NCKAP1L: variants seen among roughly 807,000 people sequenced by gnomAD.
NCKAP1L encodes nck-associated protein 1-like.
A neutral mutation model predicts 139.2 loss-of-function variants in NCKAP1L; 53 were observed. The ratio of observed to expected loss-of-function variants is 0.38; its 90% CI spans 0.31 to 0.48. The LOEUF (loss-of-function observed/expected upper bound fraction) is 0.48, where lower values mean the gene tolerates loss of function less well. NCKAP1L is among the 20% of genes least tolerant of loss of function. NCKAP1L has a pLI of 0.98. For synonymous variants in NCKAP1L, 468 were observed against 499.7 expected, an observed-to-expected ratio of 0.94 and a Z score of 0.85; for missense variants, 1,151 against 1,381.9, an observed-to-expected ratio of 0.83 and a Z score of 2.65.
Position 54,519,212 on chromosome 12 carries a change from C to G in NCKAP1L, c.1505C>G (p.Pro502Arg), listed in dbSNP as rs1021606081. 3.2e-6 allele frequency: 5 copies of G among 1,574,470 alleles called. No individual in the cohort carries two copies. The highest frequency in any genetic ancestry group is 4.3e-6 in the Non-Finnish European group (5 of 1,167,486). ...LQAYTSVAKA[P>R]LHLHENPDLA... Reference sequence around the variant, plus strand: ...GCATACACTAGCGTGGCTAAGGCCCCTCTGCACCTGCATGAGAACCCTGAC... The same window carrying G: ...GCATACACTAGCGTGGCTAAGGCCCGTCTGCACCTGCATGAGAACCCTGAC... The change falls in exon 16 of 31, where the codon CCT becomes CGT. Residue 502 changes from proline to arginine, a missense_variant. Physicochemically the swap from Pro to Arg is moderately radical, Grantham distance 103. Transcript: ENST00000293373.
Position 54,521,140 on chromosome 12 carries a change from G to A in NCKAP1L, c.1780G>A (p.Gly594Ser). The change falls in exon 18 of 31, where the codon GGT becomes AGT. Residue 594 changes from glycine (G) to serine (S), a missense_variant. Gly to Ser is a moderately conservative substitution (Grantham distance 56). Coordinates refer to ENST00000293373, the MANE Select transcript of NCKAP1L (RefSeq NM_005337.5). ...PEEYPHLKNH[G>S]LHHCNSFLEE... ...ATAGTACCCCCACCTCAAGAACCAT[G>A]GTCTTCACCACTGCAACTCCTTCCT... 1 of 1,613,966 alleles carries A rather than the reference G, an allele frequency of 6.2e-7. No individual in the cohort carries two copies. The highest frequency in any genetic ancestry group is 8.5e-7 in the Non-Finnish European group (1 of 1,179,990).
Position 54,501,045 on chromosome 12 carries a change from A to G in NCKAP1L, c.306+420A>G, listed in dbSNP as rs528886186. On this transcript the variant is annotated intron_variant, in intron 3 of 30. Coordinates refer to ENST00000293373, the MANE Select transcript of NCKAP1L (RefSeq NM_005337.5). ...TATACAGTTCAGTGGTACTAAGTATATTAATAATGCAACCATCTTTTCACC... is the reference window on the plus strand; with the variant it reads ...TATACAGTTCAGTGGTACTAAGTATGTTAATAATGCAACCATCTTTTCACC... 4 of 153,606 alleles carry G rather than the reference A, an allele frequency of 2.6e-5. No individual in the cohort carries two copies. In the East Asian group the frequency reaches 7.6e-4, roughly 29 times the overall value. The allele number at this position is 153,606 out of a possible 1,614,324, so 9.5% of individuals were successfully genotyped here.
chr12:54,529,571 C>A (rs142203013), intron 22 of NCKAP1L, among the ~76,000 whole-genome samples: 1 of 152,280 alleles, frequency 6.6e-6, no homozygotes, highest in Non-Finnish European at 1.5e-5. Flanking sequence ...TCCAGTTCTG[C>A]CTCCTTCCCA....
intron 2 of NCKAP1L, among the ~76,000 whole-genome samples, chr12:54,500,123 T>C (rs912462653): frequency 4.2e-5 from 1 of 23,682 alleles, no homozygotes; most frequent in African/African-American, 3.4e-4. Context: ...TTTCTTTTCT[T>C]TTCTTTTTTT....
chr12:54,507,886 G>A lies in NCKAP1L; in HGVS notation c.340G>A (p.Ala114Thr). Residue 114 changes from alanine (A) to threonine (T), a missense_variant, in exon 4 of 31, where the codon GCC (alanine) becomes ACC (threonine). By Grantham distance (58) the Ala-to-Thr change is moderately conservative. Coordinates refer to ENST00000293373, the MANE Select transcript of NCKAP1L (RefSeq NM_005337.5). ...HVYELLNTID[A>T]CQCHFDINLN... is the part of the protein sequence containing the mutation. ...ATATGAACTTCTCAACACCATTGATGCCTGCCAGTGCCATTTTGATATCGT... is the reference window on the plus strand; with the variant it reads ...ATATGAACTTCTCAACACCATTGATACCTGCCAGTGCCATTTTGATATCGT... The A allele has an allele frequency of 2.5e-6, 4 of 1,614,010 alleles. No homozygotes were observed. Among genetic ancestry groups the A allele is most frequent in the Non-Finnish European group, 3.4e-6 (4 of 1,179,958 alleles).
Position 54,507,923 on chromosome 12 carries a change from C to T in NCKAP1L, c.363+14C>T, listed in dbSNP as rs751530199. 3 of 1,612,450 alleles carry T rather than the reference C, an allele frequency of 1.9e-6. No individual in the cohort carries two copies. The highest frequency in any genetic ancestry group is 1.1e-5 in the South Asian group (1 of 91,038). ...CATTTTGATATCGTAAGAACCTTTG[C>T]AATTCTCTTCTATCGTAGAGTCAAA... is the stretch of plus-strand genomic sequence containing the variant. On this transcript the variant is annotated intron_variant, in intron 4 of 30. Transcript: ENST00000293373.
chr12:54,541,323 C>A (rs1957156644), intron 30 of NCKAP1L, among the ~76,000 whole-genome samples: 1 of 152,224 alleles, frequency 6.6e-6, no homozygotes, highest in Non-Finnish European at 1.5e-5. Flanking sequence ...AGGGCTGTTT[C>A]CACTCCCGTA....
At chr12:54,506,796 A>AAAAAAAAAAAATAT in intron 3 of NCKAP1L, among the ~76,000 whole-genome samples, 5 of 50,608 alleles carry the variant, frequency 9.9e-5, no homozygotes, top group African/African-American at 3.3e-4. Flanking sequence ...AAAAAAAAAA[A>AAAAAAAAAAAATAT]ATATATATAT....
intron 26 of NCKAP1L, among the ~76,000 whole-genome samples, chr12:54,533,936 A>G (rs1489701137): frequency 6.6e-6 from 1 of 152,208 alleles, no homozygotes; most frequent in Non-Finnish European, 1.5e-5. Flanking sequence ...TTGTTCTTTC[A>G]AAAAACATTT....
chr12:54,541,677 G>A (rs757692798), intron 30 of NCKAP1L, among the ~76,000 whole-genome samples: 3 of 152,192 alleles, frequency 2.0e-5, no homozygotes, highest in East Asian at 1.9e-4. Flanking sequence ...AGAGAAACAC[G>A]TTAGAGTAGA....
At position 54,545,693 on chromosome 12, in the gene NCKAP1L, C is replaced by T. The variant is rs1162864349; in HGVS notation, c.*3008C>T. The T allele has an allele frequency of 1.3e-5, 2 of 152,190 alleles. No individual in the cohort carries two copies. The highest frequency in any genetic ancestry group is 3.8e-4 in the East Asian group (2 of 5,204). The allele number at this position is 152,190 out of a possible 1,614,324, so 9.4% of individuals were successfully genotyped here. ...CCCAAAGGAACTAAAGAATGGATAT[C>T]AGAAATCTCACCCCAATTGTTTTGT... is the stretch of plus-strand genomic sequence containing the variant. On this transcript the variant is annotated 3_prime_UTR_variant, in exon 31 of 31. Coordinates refer to ENST00000293373, the MANE Select transcript of NCKAP1L (RefSeq NM_005337.5).
At chr12:54,501,344 G>A (rs1956796325) in intron 3 of NCKAP1L, among the ~76,000 whole-genome samples, 1 of 151,992 alleles carries the variant, frequency 6.6e-6, no homozygotes, top group Non-Finnish European at 1.5e-5. Context: ...TTGCTTATCC[G>A]ATCGTATGTT....
chr12:54,527,678 T>C (rs1957037268), intron 21 of NCKAP1L, among the ~76,000 whole-genome samples: 1 of 152,224 alleles, frequency 6.6e-6, no homozygotes, highest in Admixed American at 6.5e-5. Flanking sequence ...CACTGACAGT[T>C]AGCTTGTGAT....
rs991985224 is a variant in NCKAP1L at position 54,509,714 on chromosome 12, C to A, written c.552C>A (p.Asp184Glu). Residue 184 changes from aspartate to glutamate, a missense_variant, in exon 6 of 31, where the codon GAC becomes GAA. Asp to Glu is a conservative substitution (Grantham distance 45). Transcript: ENST00000293373. ...ARLGQMVLEY[D>E]HPLKKLTEEF... ...TGGGTCAGATGGTCTTGGAGTATGA[C>A]CACCCTCTGAAGAAGCTGACAGAAG... The A allele has an allele frequency of 4.3e-6, 7 of 1,614,166 alleles. No homozygotes were observed. In the Admixed American group the frequency reaches 5.0e-5, roughly 12 times the overall value.
chr12:54,506,844 ACTTTTT>A (rs1956845300), intron 3 of NCKAP1L, among the ~76,000 whole-genome samples: 1 of 118,666 alleles, frequency 8.4e-6, no homozygotes, highest in African/African-American at 3.3e-5. Context: ...TATCAATTTT[ACTTTTT>A]TAGAAATGAA....
chr12:54,500,913 C>T (rs2120868526), intron 3 of NCKAP1L: 1 of 224,300 alleles, frequency 4.5e-6, no homozygotes, highest in Middle Eastern at 1.6e-3. Flanking sequence ...CCTTTGGGGA[C>T]TGATTATGAC....
chr12:54,531,517 A>G lies in NCKAP1L; in HGVS notation c.2631A>G (p.Ile877Met), dbSNP rs775214879. 17 of 1,614,094 alleles carry G rather than the reference A, an allele frequency of 1.1e-5. No homozygotes were observed. Among genetic ancestry groups the G allele is most frequent in the Non-Finnish European group, 1.4e-5 (17 of 1,180,032 alleles). ...LKKLVVENMD[I>M]LVQIRSNFSK... is the part of the protein sequence containing the mutation. ...AGCTGGTGGTGGAAAACATGGACATACTTGTTCAGATCAGATCCAACTTTA... is the reference window on the plus strand; with the variant it reads ...AGCTGGTGGTGGAAAACATGGACATGCTTGTTCAGATCAGATCCAACTTTA... Residue 877 changes from isoleucine (I) to methionine (M), a missense_variant, in exon 24 of 31, where the codon ATA becomes ATG. Transcript: ENST00000293373.
rs78439184 is a variant in NCKAP1L, at chr12:54,511,911, T to A, written c.785-38T>A. 1.0e-4 allele frequency: 167 copies of A among 1,614,130 alleles called. No homozygotes were observed. In the East Asian group the frequency reaches 3.3e-3, roughly 32 times the overall value. On this transcript the variant is annotated intron_variant, in intron 8 of 30. Transcript: ENST00000293373. ...GCAGTATGTTATATGAAGAACAAGTTCTAAAAGTCTTCCTCTGCACTGTTT... is the reference window on the plus strand; with the variant it reads ...GCAGTATGTTATATGAAGAACAAGTACTAAAAGTCTTCCTCTGCACTGTTT...
At position 54,528,392 on chromosome 12, in the gene NCKAP1L, T is replaced by C. The variant is rs746666635; in HGVS notation, c.2506+15T>C. On this transcript the variant is annotated intron_variant, in intron 22 of 30. Transcript: ENST00000293373. ...TGACATCTCTGGTGAGCTCAGGGCC[T>C]GGTCTTCTTGTCAAGGAGCTGAGCC... 3 of 1,611,252 alleles carry C rather than the reference T, an allele frequency of 1.9e-6. No individual in the cohort carries two copies. Among genetic ancestry groups the C allele is most frequent in the African/African-American group, 2.7e-5 (2 of 74,924 alleles).
Sources: allele counts gnomAD v4.1 joint callset (sites outside exome capture counted in the v4.1 genomes callset), GRCh38; gene constraint gnomAD v4.1.1; transcripts MANE v1.5; gene names NCBI Gene and HGNC (gene_info 2026-07-23, HGNC 2026-07-21).